RBFOX3: variants seen among roughly 807,000 people sequenced by gnomAD.
RBFOX3 encodes RNA binding protein fox-1 homolog 3.
RBFOX3 carries 17 observed loss-of-function variants against 48.7 expected under a neutral mutation model. That is an observed-to-expected ratio of 0.35 (90% confidence interval 0.24 to 0.52). The LOEUF is 0.52. RBFOX3 is among the 20% of genes least tolerant of loss of function. The pLI, the probability that RBFOX3 is intolerant of heterozygous loss-of-function variation, is 0.94. For synonymous variants in RBFOX3, 212 were observed against 209.5 expected, an observed-to-expected ratio of 1.01 and a Z score of -0.10; for missense variants, 382 against 497.5, an observed-to-expected ratio of 0.77 and a Z score of 2.21.
At chr17:79,266,598 G>T (rs926441037) in intron 3 of RBFOX3, among the ~76,000 whole-genome samples, 2 of 152,152 alleles carry the variant, frequency 1.3e-5, no homozygotes, top group African/African-American at 4.8e-5. Flanking sequence ...AAAGTTATGA[G>T]ATGACTCTTG....
At chr17:79,286,515 C>T (rs1243626461) in intron 3 of RBFOX3, among the ~76,000 whole-genome samples, 1 of 152,206 alleles carries the variant, frequency 6.6e-6, no homozygotes, top group Non-Finnish European at 1.5e-5. Flanking sequence ...TCACGCCCGG[C>T]CCCTGATGCT....
intron 3 of RBFOX3, among the ~76,000 whole-genome samples, chr17:79,248,378 G>A (rs987927285): frequency 5.3e-5 from 8 of 152,212 alleles, no homozygotes; most frequent in South Asian, 2.1e-4. Context: ...GACTACAGGC[G>A]CCCGTCAAGG....
rs181133227 is a variant in RBFOX3 at position 79,361,004 on chromosome 17, G to A, written c.-174-53180C>T. ...GTCCGGGTTATTTCTGCTGAATGCC[G>A]CACCGTGCCTGGGAAGAACATCAGC... On this transcript the variant is annotated intron_variant, in intron 2 of 14. Transcript: ENST00000693108. The surrounding 1 kb of genome is among the most constrained non-coding windows in gnomAD (Gnocchi z 4.5). 3.3e-5 allele frequency among the ~76,000 whole-genome samples: 5 copies of A among 152,180 alleles called. No homozygotes were observed. The highest frequency in any genetic ancestry group is 1.2e-4 in the African/African-American group (5 of 41,524).
chr17:79,603,457 G>T (rs2093756276), intron 1 of RBFOX3, among the ~76,000 whole-genome samples: 1 of 152,192 alleles, frequency 6.6e-6, no homozygotes. Flanking sequence ...ACTTCTTTCT[G>T]CCTGGCTTCG....
At chr17:79,258,309 A>G (rs2065205919) in intron 3 of RBFOX3, among the ~76,000 whole-genome samples, 1 of 152,188 alleles carries the variant, frequency 6.6e-6, no homozygotes, top group South Asian at 2.1e-4. Context: ...GCAGACACAG[A>G]GAAAGGATCT....
intron 1 of RBFOX3, among the ~76,000 whole-genome samples, chr17:79,507,300 G>A (rs1407472740): frequency 2.0e-5 from 3 of 152,122 alleles, no homozygotes; most frequent in Non-Finnish European, 4.4e-5. Context: ...TGTTTTAAAT[G>A]GGGCAGTCAC....
At chr17:79,229,153 C>T (rs868392869) in intron 4 of RBFOX3, among the ~76,000 whole-genome samples, 11 of 133,868 alleles carry the variant, frequency 8.2e-5, no homozygotes, top group Admixed American at 2.6e-4. Flanking sequence ...GGCTTGAGCA[C>T]GGTAGGCAGA....
intron 2 of RBFOX3, among the ~76,000 whole-genome samples, chr17:79,339,295 A>G (rs765258157): frequency 6.6e-6 from 1 of 152,236 alleles, no homozygotes. Flanking sequence ...AGCTCGAGTG[A>G]TCCTCTTGTC....
At chr17:79,659,710 A>C in the RBFOX3 span, among the ~76,000 whole-genome samples, 3 of 152,188 alleles carry the variant, frequency 2.0e-5, no homozygotes, top group African/African-American at 7.2e-5. Flanking sequence ...AAAATAATAC[A>C]TATGCTCAAA....
intron 5 of RBFOX3, among the ~76,000 whole-genome samples, chr17:79,107,497 T>G (rs2077610078): frequency 6.6e-6 from 1 of 152,162 alleles, no homozygotes; most frequent in Non-Finnish European, 1.5e-5. Context: ...GGCAGGGGTG[T>G]CGCCCGAGGC....
At chr17:79,630,364 C>T in the RBFOX3 span, among the ~76,000 whole-genome samples, 504 of 152,290 alleles carry the variant, frequency 3.3e-3, 8 homozygotes, top group East Asian at 0.031. Context: ...GGAGATGGGT[C>T]ATTGTTGCTG....
At chr17:79,096,969 G>C (rs1374404198) in intron 11 of RBFOX3, 136 bp from the exon 12 acceptor site, 12 of 597,756 alleles carry the variant, frequency 2.0e-5, no homozygotes, top group Non-Finnish European at 3.3e-5. Flanking sequence ...CCAGACCCCA[G>C]GGAATGGGAG....
At chr17:79,557,593 T>C (rs1332612786) in intron 1 of RBFOX3, among the ~76,000 whole-genome samples, 1 of 152,204 alleles carries the variant, frequency 6.6e-6, no homozygotes, top group African/African-American at 2.4e-5. Flanking sequence ...CAGCCCATTT[T>C]CATAGGTGCC....
At chr17:79,502,831 G>A (rs896368286) in intron 1 of RBFOX3, among the ~76,000 whole-genome samples, 3 of 152,216 alleles carry the variant, frequency 2.0e-5, no homozygotes, top group African/African-American at 7.2e-5. Flanking sequence ...TGTCCACGGG[G>A]TTCCAGCAGG....
intron 4 of RBFOX3, among the ~76,000 whole-genome samples, chr17:79,218,814 C>T (rs2606185): frequency 0.89 from 135,695 of 152,272 alleles, 62,139 homozygotes; most frequent in East Asian, 1. Context: ...CCAAAGGCCT[C>T]GGTGCAGACA....
At chr17:79,258,340 T>C in intron 3 of RBFOX3, among the ~76,000 whole-genome samples, 1 of 152,082 alleles carries the variant, frequency 6.6e-6, no homozygotes, top group East Asian at 1.9e-4. Flanking sequence ...CCCGCTTAAA[T>C]CTCAAACCCT....
intron 1 of RBFOX3, among the ~76,000 whole-genome samples, chr17:79,487,931 T>G (rs1206327090): frequency 4.3e-5 from 2 of 46,166 alleles, no homozygotes; most frequent in Non-Finnish European, 5.6e-5. Context: ...AAAAAAAAAA[T>G]TCCTGGGTGA....
chr17:79,250,358 C>A lies in RBFOX3; in HGVS notation c.-73-14553G>T, dbSNP rs2063756531. Reference sequence around the variant, plus strand: ...CTGTCTTCCCTGGGTTCTGTTCATGCAGAAGGTCTTTGCTGAGACGGAACA... The same window carrying A: ...CTGTCTTCCCTGGGTTCTGTTCATGAAGAAGGTCTTTGCTGAGACGGAACA... On this transcript the variant is annotated intron_variant, in intron 3 of 14. Coordinates refer to ENST00000693108, the MANE Select transcript of RBFOX3 (RefSeq NM_001350451.2). 3.9e-5 allele frequency among the ~76,000 whole-genome samples: 6 copies of A among 152,326 alleles called. No individual in the cohort carries two copies. The South Asian group carries it at 6.2e-4, about 16-fold the overall frequency.
intron 2 of RBFOX3, among the ~76,000 whole-genome samples, chr17:79,447,543 G>A (rs2072589670): frequency 6.6e-6 from 1 of 152,230 alleles, no homozygotes; most frequent in South Asian, 2.1e-4. Context: ...ACTAACTGAG[G>A]CACAGAGAAG....
Sources: gnomAD v4.1 joint callset for allele counts (sites outside exome capture counted in the v4.1 genomes callset) on GRCh38, gnomAD v4.1.1 for gene constraint, Gnocchi (gnomAD v3.1) non-coding constraint, MANE v1.5 for transcripts, NCBI Gene and HGNC (gene_info 2026-07-23, HGNC 2026-07-21) for gene names.